CBLC: variants seen among roughly 807,000 people sequenced by gnomAD.
CBLC encodes the protein E3 ubiquitin-protein ligase CBL-C.
A neutral mutation model predicts 58.6 loss-of-function variants in CBLC; 46 were observed. The observed-to-expected ratio is 0.79, with a 90% CI of 0.62 to 1.00. CBLC has a LOEUF of 1.00. CBLC is among the 50% of genes least tolerant of loss of function. CBLC has a pLI of 0.00. For missense variants in CBLC, 655 were observed against 625.8 expected (o/e 1.05, Z -0.50); for synonymous variants, 271 against 264.2 (o/e 1.03, Z -0.25).
In CBLC at chr19:44,792,520, T is replaced by C. The variant is rs761439548; in HGVS notation, c.1137+6T>C. 9 of 1,586,376 alleles carry C rather than the reference T, an allele frequency of 5.7e-6. No individual in the cohort carries two copies. The highest frequency in any genetic ancestry group is 7.7e-6 in the Non-Finnish European group (9 of 1,169,050). On this transcript the variant is annotated splice_donor_region_variant and intron_variant, in intron 7 of 10. Transcript: ENST00000647358. Reference sequence around the variant, plus strand: ...GCTGCCTGGCTGCCTGGCAGGTGGGTCTGACCCCTGTGGCGCCTTCCCCTC... The same window carrying C: ...GCTGCCTGGCTGCCTGGCAGGTGGGCCTGACCCCTGTGGCGCCTTCCCCTC...
Position 44,782,419 on chromosome 19 carries a change from C to G in CBLC, c.707C>G (p.Pro236Arg). Reference protein sequence around the residue: ...KNWQLLAVNHPGYMAFLTYDE... With the variant: ...KNWQLLAVNHRGYMAFLTYDE... ...TGGCAGCTCCTGGCAGTCAACCACCCAGGCTACATGGCCTTCCTCACCTAT... is the reference window on the plus strand; with the variant it reads ...TGGCAGCTCCTGGCAGTCAACCACCGAGGCTACATGGCCTTCCTCACCTAT... Residue 236 changes from proline to arginine, a missense_variant, in exon 4 of 11, where the codon CCA (proline) becomes CGA (arginine). Transcript: ENST00000647358. 2 of 1,613,856 alleles carry G rather than the reference C, an allele frequency of 1.2e-6. No homozygotes were observed. The highest frequency in any genetic ancestry group is 1.7e-6 in the Non-Finnish European group (2 of 1,179,846).
chr19:44,795,357 A>T (rs1386729264), intron 9 of CBLC, among the ~76,000 whole-genome samples: 1 of 151,910 alleles, frequency 6.6e-6, no homozygotes, highest in Non-Finnish European at 1.5e-5. Flanking sequence ...CACTACAAAA[A>T]AATTTTAAAA....
intron 9 of CBLC, among the ~76,000 whole-genome samples, chr19:44,798,927 C>T (rs1456450909): frequency 6.6e-6 from 1 of 152,126 alleles, no homozygotes; most frequent in East Asian, 1.9e-4. Context: ...TGCCAGCAAG[C>T]CTCCACTCAC....
intron 9 of CBLC, among the ~76,000 whole-genome samples, chr19:44,796,904 G>A (rs537178024): frequency 2.0e-5 from 3 of 150,084 alleles, no homozygotes; most frequent in Non-Finnish European, 4.4e-5. Flanking sequence ...AGCAGGAAGC[G>A]GGGCGGTGGG....
chr19:44,779,197 G>A (rs1421917039), intron 1 of CBLC, among the ~76,000 whole-genome samples: 1 of 152,268 alleles, frequency 6.6e-6, no homozygotes, highest in Middle Eastern at 3.4e-3. Context: ...GGCTGGGTAC[G>A]GTGGCTCACA....
chr19:44,799,835 GAAAGA>G (rs1410943711), intron 9 of CBLC, among the ~76,000 whole-genome samples: 5 of 150,300 alleles, frequency 3.3e-5, no homozygotes, highest in East Asian at 2.0e-4. Flanking sequence ...AAAGAAGAAA[GAAAGA>G]AAAGAAAAGA....
In CBLC at chr19:44,778,012, C is replaced by G; in HGVS notation, c.81C>G (p.Arg27=). Reference sequence around the variant, plus strand: ...GCCGGGCAGTCAGGATGCTGCAGCGCCTAGAAGAGCAATGCGTCGACCCCC... The same window carrying G: ...GCCGGGCAGTCAGGATGCTGCAGCGGCTAGAAGAGCAATGCGTCGACCCCC... ...ALGRAVRMLQ[R]LEEQCVDPRL... Residue 27 remains arginine (R), a synonymous_variant, in exon 1 of 11, where the codon CGC becomes CGG. Transcript: ENST00000647358. 6 of 1,609,352 alleles carry G rather than the reference C, an allele frequency of 3.7e-6. No homozygotes were observed. The highest frequency in any genetic ancestry group is 5.1e-6 in the Non-Finnish European group (6 of 1,179,628).
chr19:44,799,944 G>T (rs1202730216), intron 9 of CBLC, among the ~76,000 whole-genome samples: 1 of 152,172 alleles, frequency 6.6e-6, no homozygotes, highest in East Asian at 1.9e-4. Context: ...TGTCTGTGGG[G>T]CACACAAGTG....
chr19:44,796,108 G>T (rs556214823), intron 9 of CBLC, among the ~76,000 whole-genome samples: 1 of 151,862 alleles, frequency 6.6e-6, no homozygotes, highest in Non-Finnish European at 1.5e-5. Flanking sequence ...CCAGCTACTT[G>T]GAAGACTGTG....
intron 9 of CBLC, among the ~76,000 whole-genome samples, chr19:44,795,124 A>C (rs2927445): frequency 0.017 from 2,614 of 151,940 alleles, 79 homozygotes; most frequent in African/African-American, 0.056. Context: ...TGCCCGACTA[A>C]TTTTTGGATT....
At chr19:44,784,203 G>A in intron 4 of CBLC, 61 bp from the exon 5 acceptor site, 6 of 1,464,240 alleles carry the variant, frequency 4.1e-6, no homozygotes, top group Non-Finnish European at 5.5e-6. Context: ...GGGACTGGAA[G>A]TTCACAAAAG....
At chr19:44,779,590 C>A (rs1864420895) in intron 1 of CBLC, among the ~76,000 whole-genome samples, 1 of 146,646 alleles carries the variant, frequency 6.8e-6, no homozygotes, top group Admixed American at 6.8e-5. Context: ...CTGGCCCTGT[C>A]GCCCAGACTG....
chr19:44,800,529 C>A, intron 10 of CBLC, 22 bp from the exon 11 acceptor site: 1 of 839,850 alleles, frequency 1.2e-6, no homozygotes, highest in Non-Finnish European at 1.9e-6. Context: ...CTCATCTAAC[C>A]CACCCCTCTC....
At chr19:44,796,708 T>G (rs914673475) in intron 9 of CBLC, among the ~76,000 whole-genome samples, 1 of 152,142 alleles carries the variant, frequency 6.6e-6, no homozygotes, top group Non-Finnish European at 1.5e-5. Context: ...ATAAGCCCTG[T>G]CCTGGCTTTC....
At chr19:44,779,553 CTTT>C (rs774514447) in intron 1 of CBLC, among the ~76,000 whole-genome samples, 1 of 137,280 alleles carries the variant, frequency 7.3e-6, no homozygotes, top group Non-Finnish European at 1.6e-5. Flanking sequence ...TGTAGTGTCT[CTTT>C]TTTTTTTTTT....
At chr19:44,782,220 AAAG>A (rs1967767550) in intron 3 of CBLC, 147 bp from the exon 4 acceptor site, 1 of 1,193,402 alleles carries the variant, frequency 8.4e-7, no homozygotes, top group African/African-American at 1.5e-5. Flanking sequence ...AGTTCTGGAG[AAAG>A]AAGAGCTTGG....
intron 5 of CBLC, 108 bp from the exon 6 acceptor site, chr19:44,789,896 C>A: frequency 3.9e-6 from 3 of 765,534 alleles, no homozygotes; most frequent in Admixed American, 1.9e-5. Context: ...TGGGACAGAT[C>A]CTCAACTCAG....
At chr19:44,783,363 G>T (rs562348799) in intron 4 of CBLC, among the ~76,000 whole-genome samples, 1 of 152,284 alleles carries the variant, frequency 6.6e-6, no homozygotes, top group African/African-American at 2.4e-5. Flanking sequence ...CAAAAATTTA[G>T]CCAAGCGTGG....
intron 1 of CBLC, among the ~76,000 whole-genome samples, chr19:44,780,582 C>G (rs2927450): frequency 0.016 from 2,344 of 150,002 alleles, 71 homozygotes; most frequent in African/African-American, 0.054. Flanking sequence ...CAGCGATTCT[C>G]CTGCCTCAGC....
Sources: gnomAD v4.1 joint callset for allele counts (sites outside exome capture counted in the v4.1 genomes callset) on GRCh38, gnomAD v4.1.1 for gene constraint, MANE v1.5 for transcripts, NCBI Gene and HGNC (gene_info 2026-07-23, HGNC 2026-07-21) for gene names.